The following WASF3 variants were observed in gnomAD, a reference collection of about 807,000 sequenced individuals.
WASF3 encodes actin-binding protein WASF3.
WASF3 carries 11 observed loss-of-function variants against 46.6 expected under a neutral mutation model. That is an observed-to-expected ratio of 0.24 (90% CI 0.15 to 0.39). WASF3 has a LOEUF of 0.39. Ranked by LOEUF, WASF3 falls within the 10% of genes least tolerant of loss-of-function variation. WASF3 has a pLI of 1.00. For missense variants in WASF3, 576 were observed against 669.8 expected (o/e 0.86, Z 1.55); for synonymous variants, 242 against 259.7 (o/e 0.93, Z 0.65).
upstream of WASF3, among the ~76,000 whole-genome samples, chr13:26,557,323 AC>A (rs1259531971): frequency 2.0e-5 from 3 of 152,146 alleles, no homozygotes; most frequent in African/African-American, 7.2e-5. Context: ...AGCCCTCAAC[AC>A]CCAGGGAGGA....
At chr13:26,603,968 A>C (rs572420048) in intron 1 of WASF3, among the ~76,000 whole-genome samples, 1 of 152,324 alleles carries the variant, frequency 6.6e-6, no homozygotes, top group East Asian at 1.9e-4. Flanking sequence ...TGATACTCCT[A>C]GTGAGTTCTG....
rs75640247 is a variant in WASF3 at position 26,659,646 on chromosome 13, T to C, written c.134-5382T>C. ...GGTCGAGGTGAGTGGTGATTATGCC[T>C]TGGGACAGGGTAGGATCAGGGCAGG... is the stretch of plus-strand genomic sequence containing the variant. On this transcript the variant is annotated intron_variant, in intron 3 of 9. Transcript: ENST00000335327. Among the ~76,000 whole-genome samples the C allele has an allele frequency of 4.5e-3, 692 of 152,124 alleles. 4 individuals are homozygous for C. The highest frequency in any genetic ancestry group is 0.016 in the African/African-American group (653 of 41,492).
chr13:26,589,907 C>G (rs1363063369), intron 1 of WASF3, among the ~76,000 whole-genome samples: 4 of 151,588 alleles, frequency 2.6e-5, no homozygotes, highest in East Asian at 1.9e-4. Flanking sequence ...TGGCCACCCC[C>G]CATTGCTGGA....
Position 26,614,486 on chromosome 13 carries a change from T to C in WASF3, c.-11+1428T>C, listed in dbSNP as rs190196028. Reference sequence around the variant, plus strand: ...GGAAAGCGTAACGTATCAAAATATATGCGATGCACCTAAAGCACTACTTTA... The same window carrying C: ...GGAAAGCGTAACGTATCAAAATATACGCGATGCACCTAAAGCACTACTTTA... On this transcript the variant is annotated intron_variant, in intron 2 of 9. Transcript: ENST00000335327. Among the ~76,000 whole-genome samples the C allele has an allele frequency of 3.0e-3, 457 of 152,328 alleles. 2 individuals are homozygous for C. The highest frequency in any genetic ancestry group is 0.01 in the African/African-American group (435 of 41,568).
the WASF3 span, among the ~76,000 whole-genome samples, chr13:26,545,901 G>C: frequency 1.3e-5 from 2 of 152,156 alleles, no homozygotes; most frequent in African/African-American, 4.8e-5. Context: ...ACTGCACCCA[G>C]CCTCTATTTT....
chr13:26,559,829 T>TCTTTCTTTCTTTC (rs1455852488), intron 1 of WASF3, among the ~76,000 whole-genome samples: 1 of 132,200 alleles, frequency 7.6e-6, no homozygotes, highest in Admixed American at 7.9e-5. Flanking sequence ...TTTTTTTTTT[T>TCTTTCTTTCTTTC]TTTTTGAGAC....
rs1407418450 is a variant in WASF3, at chr13:26,682,815, C to A, written c.1192C>A (p.Pro398Thr). The A allele has an allele frequency of 1.2e-6, 2 of 1,610,608 alleles. No homozygotes were observed. The highest frequency in any genetic ancestry group is 2.2e-5 in the South Asian group (2 of 91,046). ...GCTCCTGGTCACAGCCCCGCCACCC[C>A]CGGGCCCACCACCTCCCCCGCCAGG... ...TGLLVTAPPP[P>T]GPPPPPPGPP... The change falls in exon 9 of 10, where the codon CCG becomes ACG. Residue 398 changes from proline to threonine, a missense_variant. Physicochemically the swap from Pro to Thr is conservative, Grantham distance 38. This residue lies in a region of WASF3 where 295 missense variants were observed against 291.5 expected (regional missense o/e 1.01). Transcript: ENST00000335327. The surrounding 1 kb of genome is among the most constrained non-coding windows in gnomAD (Gnocchi z 4.4).
intron 1 of WASF3, among the ~76,000 whole-genome samples, chr13:26,605,082 C>G (rs1335832860): frequency 2.6e-5 from 4 of 152,152 alleles, no homozygotes; most frequent in Non-Finnish European, 4.4e-5. Context: ...ACCTCTGCCC[C>G]TCTGTCCAGC....
chr13:26,680,107 G>T, intron 7 of WASF3: 1 of 1,598,292 alleles, frequency 6.3e-7, no homozygotes, highest in Non-Finnish European at 8.5e-7. Context: ...AAGAAAAGAA[G>T]AGTGGGAGAG....
intron 3 of WASF3, among the ~76,000 whole-genome samples, chr13:26,664,253 A>G (rs1264604582): frequency 2.0e-5 from 3 of 152,258 alleles, no homozygotes; most frequent in Non-Finnish European, 4.4e-5. Context: ...AGTGGTAGGT[A>G]TGTCTGTCAG....
intron 1 of WASF3, among the ~76,000 whole-genome samples, chr13:26,558,605 C>T (rs1278429033): frequency 1.3e-5 from 2 of 152,116 alleles, no homozygotes; most frequent in African/African-American, 2.4e-5. Context: ...TTGATTTGGC[C>T]CCTCTGCAAG....
At chr13:26,595,372 A>G (rs1365583024) in intron 1 of WASF3, among the ~76,000 whole-genome samples, 4 of 152,348 alleles carry the variant, frequency 2.6e-5, no homozygotes, top group South Asian at 4.1e-4. Flanking sequence ...CTCACAGAAC[A>G]TGGCAAAAAA....
At chr13:26,553,806 G>T (rs1187386673), upstream of WASF3, among the ~76,000 whole-genome samples, 15 of 136,718 alleles carry the variant, frequency 1.1e-4, no homozygotes. Context: ...GACAGAGCGA[G>T]ACTCCATCTC....
intron 3 of WASF3, among the ~76,000 whole-genome samples, chr13:26,654,316 C>G (rs954507739): frequency 4.6e-5 from 7 of 152,280 alleles, no homozygotes; most frequent in African/African-American, 1.7e-4. Flanking sequence ...ATTCATCTTC[C>G]CCCTCTTCAG....
chr13:26,582,951 A>G (rs1033553438), intron 1 of WASF3, among the ~76,000 whole-genome samples: 1 of 152,198 alleles, frequency 6.6e-6, no homozygotes, highest in Non-Finnish European at 1.5e-5. Flanking sequence ...TAGGATAGAT[A>G]CCTTGAGAGA....
In WASF3 at chr13:26,557,762, C is replaced by T. The variant is rs2137130446; in HGVS notation, c.-166C>T. On this transcript the variant is annotated 5_prime_UTR_variant, in exon 1 of 10. Transcript: ENST00000335327. Reference sequence around the variant, plus strand: ...GCGGGTGCGCCGGGCGGCCGCGGCGCGGCGGGACCATGGAGCTCAGAGCGC... The same window carrying T: ...GCGGGTGCGCCGGGCGGCCGCGGCGTGGCGGGACCATGGAGCTCAGAGCGC... The T allele has an allele frequency of 4.1e-6, 1 of 246,856 alleles. No individual in the cohort carries two copies. Among genetic ancestry groups the T allele is most frequent in the South Asian group, 1.5e-4 (1 of 6,496 alleles). The allele number at this position is 246,856 out of a possible 1,614,324, so 15.3% of individuals were successfully genotyped here.
At chr13:26,575,946 T>C (rs1025284343) in intron 1 of WASF3, among the ~76,000 whole-genome samples, 2 of 152,138 alleles carry the variant, frequency 1.3e-5, no homozygotes, top group African/African-American at 4.8e-5. Context: ...TTTTCCCCAG[T>C]TGGCTCTTAA....
chr13:26,546,439 C>T, the WASF3 span, among the ~76,000 whole-genome samples: 1 of 152,224 alleles, frequency 6.6e-6, no homozygotes, highest in African/African-American at 2.4e-5. Flanking sequence ...CGGTGGCTCA[C>T]GCCTGCAAAT....
intron 1 of WASF3, among the ~76,000 whole-genome samples, chr13:26,561,763 T>C (rs1409794588): frequency 6.6e-6 from 1 of 152,184 alleles, no homozygotes; most frequent in Non-Finnish European, 1.5e-5. Flanking sequence ...TTGCACTCCA[T>C]TCCATTCGAT....
Sources: gnomAD v4.1 joint callset for allele counts (sites outside exome capture counted in the v4.1 genomes callset) on GRCh38, gnomAD v4.1.1 for gene constraint, gnomAD v4.1.1 regional missense constraint, Gnocchi (gnomAD v3.1) non-coding constraint, MANE v1.5 for transcripts, NCBI Gene and HGNC (gene_info 2026-07-23, HGNC 2026-07-21) for gene names.